Variants in ARFGEF2 observed in about 807,000 individuals in gnomAD.
ARFGEF2 encodes the protein ARF guanine nucleotide exchange factor 2.
A neutral mutation model predicts 219.9 loss-of-function variants in ARFGEF2; 74 were observed. The observed-to-expected ratio is 0.34, with a 90% CI of 0.28 to 0.41. ARFGEF2 has a LOEUF of 0.41. Among genes scored for constraint, ARFGEF2 ranks in the 10% least tolerant of loss-of-function variants. The probability of loss-of-function intolerance (pLI) is 1.00; values close to 1 mark genes in which losing one functional copy is unlikely to be tolerated. For missense variants in ARFGEF2, 1,743 were observed against 2,218.3 expected (o/e 0.79, Z 4.30); for synonymous variants, 733 against 799.2 (o/e 0.92, Z 1.40).
At chr20:48,997,472 C>T (rs756885231) in intron 23 of ARFGEF2, among the ~76,000 whole-genome samples, 6 of 152,144 alleles carry the variant, frequency 3.9e-5, no homozygotes, top group African/African-American at 4.8e-5. Context: ...AGGGTTTCAC[C>T]GTATTGGACA....
chr20:49,021,641 T>C (rs1329742095), intron 34 of ARFGEF2, among the ~76,000 whole-genome samples: 1 of 146,110 alleles, frequency 6.8e-6, no homozygotes, highest in Non-Finnish European at 1.5e-5. Flanking sequence ...AGGTCAGGAG[T>C]TCAAGACCAG....
chr20:48,971,093 G>T, intron 9 of ARFGEF2, 27 bp from the exon 10 acceptor site: 1 of 1,594,370 alleles, frequency 6.3e-7, no homozygotes, highest in Non-Finnish European at 8.6e-7. Flanking sequence ...TTTTAGCACT[G>T]TTGTGGTTTT....
intron 21 of ARFGEF2, among the ~76,000 whole-genome samples, chr20:48,994,196 C>T (rs943427100): frequency 1.3e-5 from 2 of 152,080 alleles, no homozygotes; most frequent in East Asian, 1.9e-4. Context: ...GGTGTCTTGT[C>T]GTCTCACGAG....
intron 1 of ARFGEF2, among the ~76,000 whole-genome samples, chr20:48,937,396 GTCTT>G (rs1376349269): frequency 2.6e-5 from 4 of 152,264 alleles, no homozygotes; most frequent in Admixed American, 2.6e-4. Context: ...TTTCAAGAGT[GTCTT>G]TCTTTCTTTA....
At chr20:48,945,401 C>T (rs574759146) in intron 3 of ARFGEF2, among the ~76,000 whole-genome samples, 1 of 152,282 alleles carries the variant, frequency 6.6e-6, no homozygotes, top group Admixed American at 6.5e-5. Flanking sequence ...TCTTAACTGG[C>T]CCCTGCTCTT....
chr20:48,972,208 C>T, intron 10 of ARFGEF2, 118 bp from the exon 11 acceptor site: 1 of 742,060 alleles, frequency 1.3e-6, no homozygotes, highest in Non-Finnish European at 2.4e-6. Context: ...CTCCACTCTT[C>T]TTCTGCCCAG....
chr20:48,967,654 T>C (rs752383852), intron 8 of ARFGEF2, among the ~76,000 whole-genome samples: 1 of 151,952 alleles, frequency 6.6e-6, no homozygotes, highest in Non-Finnish European at 1.5e-5. Flanking sequence ...AGAGTGGGAG[T>C]TGGAAGTGTT....
At chr20:48,957,523 C>G (rs1236191555) in intron 6 of ARFGEF2, among the ~76,000 whole-genome samples, 1 of 152,164 alleles carries the variant, frequency 6.6e-6, no homozygotes, top group Non-Finnish European at 1.5e-5. Flanking sequence ...GTGGTGATAT[C>G]CCAGGGAAGA....
At chr20:48,978,045 C>G (rs1376636792) in intron 14 of ARFGEF2, among the ~76,000 whole-genome samples, 1 of 152,156 alleles carries the variant, frequency 6.6e-6, no homozygotes, top group African/African-American at 2.4e-5. Flanking sequence ...GTCATGAAGT[C>G]CTTGCCCACG....
chr20:48,953,515 TC>T lies in ARFGEF2; in HGVS notation c.604-39del, dbSNP rs774545632. ...AGTAATAGGCTGGCATAATTTTTCT[TC>T]CTTACCAAAATGCTGTATCCCCCTT... On this transcript the variant is annotated intron_variant, in intron 5 of 38. Transcript: ENST00000371917. 1.4e-5 allele frequency: 23 copies of T among 1,591,688 alleles called. 1 individual carries two copies. In the South Asian group the frequency reaches 2.5e-4, roughly 18 times the overall value.
intron 3 of ARFGEF2, 93 bp downstream of exon 3, chr20:48,942,080 C>T: frequency 1.3e-6 from 2 of 1,514,568 alleles, no homozygotes; most frequent in Admixed American, 1.8e-5. Context: ...CGCTGGCACT[C>T]AGTGCTGTCA....
At chr20:48,947,780 T>C (rs901177381) in intron 3 of ARFGEF2, among the ~76,000 whole-genome samples, 1 of 151,510 alleles carries the variant, frequency 6.6e-6, no homozygotes, top group African/African-American at 2.4e-5. Flanking sequence ...CACTTGAGCC[T>C]GGGAGGCAGA....
intron 3 of ARFGEF2, 52 bp from the exon 4 acceptor site, chr20:48,951,271 C>A: frequency 6.2e-7 from 1 of 1,607,412 alleles, no homozygotes; most frequent in Non-Finnish European, 8.5e-7. Context: ...CCACGGAAGG[C>A]CTCAGTCCTA....
In ARFGEF2 at chr20:48,991,167, A is replaced by G; in HGVS notation, c.2942A>G (p.Asp981Gly). The change falls in exon 21 of 39, where the codon GAT becomes GGT. Residue 981 changes from aspartate to glycine, a missense_variant. This residue lies in a region of ARFGEF2 where 666 missense variants were observed against 955.4 expected (regional missense o/e 0.70). Transcript: ENST00000371917. Reference sequence around the variant, plus strand: ...ACGCTTATCACAGTGGCTCACACCGATGGCAACTACCTTGGGAATTCCTGG... The same window carrying G: ...ACGCTTATCACAGTGGCTCACACCGGTGGCAACTACCTTGGGAATTCCTGG... Reference protein sequence around the residue: ...IKTLITVAHTDGNYLGNSWHE... With the variant: ...IKTLITVAHTGGNYLGNSWHE... 2 of 1,614,222 alleles carry G rather than the reference A, an allele frequency of 1.2e-6. No homozygotes were observed. The highest frequency in any genetic ancestry group is 1.7e-6 in the Non-Finnish European group (2 of 1,180,040).
chr20:48,969,225 T>C lies in ARFGEF2; in HGVS notation c.1138T>C (p.Ser380Pro). Residue 380 changes from serine (S) to proline (P), a missense_variant, in exon 9 of 39, where the codon TCC (serine) becomes CCC (proline). Physicochemically the swap from Ser to Pro is moderately conservative, Grantham distance 74. Coordinates refer to ENST00000371917, the MANE Select transcript of ARFGEF2 (RefSeq NM_006420.3). ...GAAGGATGCCTTCCTTGTGTTCCGC[T>C]CCCTGTGCAAGCTGTCCATGAAACC... ...LQKDAFLVFR[S>P]LCKLSMKPLG... 2.5e-6 allele frequency: 4 copies of C among 1,614,176 alleles called. No homozygotes were observed. Among genetic ancestry groups the C allele is most frequent in the Non-Finnish European group, 3.4e-6 (4 of 1,180,036 alleles).
intron 25 of ARFGEF2, chr20:48,999,224 CA>C (rs1483126601): frequency 8.9e-6 from 4 of 450,146 alleles, no homozygotes; most frequent in Non-Finnish European, 1.8e-5. Context: ...GGTAACGGAG[CA>C]AGACTTCGTC....
chr20:49,015,124 C>A (rs565072621), intron 30 of ARFGEF2, among the ~76,000 whole-genome samples: 2 of 151,984 alleles, frequency 1.3e-5, no homozygotes, highest in Admixed American at 1.3e-4. Flanking sequence ...TGCTTTGTTT[C>A]GTTTTTTTGA....
rs2091336958 is a variant in ARFGEF2 at position 48,988,170 on chromosome 20, G to A, written c.2277-134G>A. On this transcript the variant is annotated intron_variant, in intron 16 of 38. Transcript: ENST00000371917. ...TAAGTCTTGTTCAGTGATGATGAAA[G>A]CGTAAAAACTCTTGCCTCATTTGGA... 2.2e-5 allele frequency: 15 copies of A among 697,026 alleles called. No individual in the cohort carries two copies. In the East Asian group the frequency reaches 4.1e-4, roughly 19 times the overall value. 43.2% of individuals were successfully genotyped at this position (697,026 alleles called of 1,614,324 possible). A position where few individuals can be genotyped will look rare whatever the true frequency, so the allele number is the denominator to read the frequency against.
At chr20:48,925,314 G>T (rs539698897) in intron 1 of ARFGEF2, among the ~76,000 whole-genome samples, 10 of 152,238 alleles carry the variant, frequency 6.6e-5, no homozygotes, top group Non-Finnish European at 1.3e-4. Context: ...TCGCCCCAAG[G>T]ATACTGTTGC....
Sources: allele counts gnomAD v4.1 joint callset (sites outside exome capture counted in the v4.1 genomes callset), GRCh38; gene constraint gnomAD v4.1.1; regional missense constraint gnomAD v4.1.1; transcripts MANE v1.5; gene names NCBI Gene and HGNC (gene_info 2026-07-23, HGNC 2026-07-21).